Variants in SLC7A6 observed in about 807,000 individuals in gnomAD.
The protein encoded by SLC7A6 is solute carrier family 7 member 6.
SLC7A6 carries 29 observed loss-of-function variants against 46.6 expected under a neutral mutation model. The observed-to-expected ratio is 0.62, with a 90% CI of 0.46 to 0.85. SLC7A6 has a LOEUF of 0.85. Among genes scored for constraint, SLC7A6 ranks in the 40% least tolerant of loss-of-function variants. The probability of loss-of-function intolerance (pLI) is 0.00; values close to 1 mark genes in which losing one functional copy is unlikely to be tolerated. For missense variants in SLC7A6, 527 were observed against 647.6 expected, an observed-to-expected ratio of 0.81 and a Z score of 2.02; for synonymous variants, 276 against 257.3, an observed-to-expected ratio of 1.07 and a Z score of -0.70.
At position 68,300,964 on chromosome 16, in the gene SLC7A6, T is replaced by C. The variant is rs574989721; in HGVS notation, c.*3636T>C. 26 of 1,025,736 alleles carry C rather than the reference T, an allele frequency of 2.5e-5. No homozygotes were observed. In the East Asian group the frequency reaches 1.9e-3, roughly 76 times the overall value. The allele number at this position is 1,025,736 out of a possible 1,614,324, so 63.5% of individuals were successfully genotyped here. ...TCCCTTGTGGTTTCAGCACAGAACCTGAATGCCAGGAAAAATTCCTGGGCC... is the reference window on the plus strand; with the variant it reads ...TCCCTTGTGGTTTCAGCACAGAACCCGAATGCCAGGAAAAATTCCTGGGCC... On this transcript the variant is annotated 3_prime_UTR_variant, in exon 11 of 11. Transcript: ENST00000219343.
intron 5 of SLC7A6, chr16:68,290,761 C>T (rs2043033580): frequency 6.9e-6 from 4 of 579,180 alleles, no homozygotes; most frequent in African/African-American, 3.8e-5. Context: ...AGGATAGGGC[C>T]TTCCTAGAGG....
intron 3 of SLC7A6, among the ~76,000 whole-genome samples, chr16:68,276,915 A>AGCCCGGGAAGTC (rs749857937): frequency 4.7e-4 from 72 of 151,956 alleles, no homozygotes; most frequent in Non-Finnish European, 8.8e-5. Context: ...GGATCTCTTG[A>AGCCCGGGAAGTC]GCCCGGGAAG....
chr16:68,277,777 GCCA>G (rs1015438989), intron 3 of SLC7A6, among the ~76,000 whole-genome samples: 1 of 150,430 alleles, frequency 6.6e-6, no homozygotes, highest in Admixed American at 6.6e-5. Context: ...TCAGGCATGT[GCCA>G]CCACACCTGG....
At chr16:68,294,621 G>T in intron 7 of SLC7A6, 84 bp from the exon 8 acceptor site, 1 of 996,660 alleles carries the variant, frequency 1.0e-6, no homozygotes. Flanking sequence ...CGGGGGCTCT[G>T]AGCTGAGTTT....
chr16:68,269,440 A>C (rs2042587573), intron 2 of SLC7A6, among the ~76,000 whole-genome samples: 1 of 151,626 alleles, frequency 6.6e-6, no homozygotes, highest in South Asian at 2.1e-4. Flanking sequence ...GGGAGTTTGA[A>C]CTCCTAGTCA....
chr16:68,281,025 G>A (rs571897460), intron 3 of SLC7A6, among the ~76,000 whole-genome samples: 4 of 152,258 alleles, frequency 2.6e-5, no homozygotes, highest in Admixed American at 1.3e-4. Flanking sequence ...GACCCACGGC[G>A]CCCAGCCGGC....
Position 68,299,453 on chromosome 16 carries a change from G to A in SLC7A6, c.*2125G>A, listed in dbSNP as rs1284967606. 2.6e-5 allele frequency: 4 copies of A among 152,598 alleles called. No individual in the cohort carries two copies. Among genetic ancestry groups the A allele is most frequent in the African/African-American group, 9.7e-5 (4 of 41,424 alleles). The allele number at this position is 152,598 out of a possible 1,614,324, so 9.5% of individuals were successfully genotyped here. ...TGTGCTGGATACAGACTTCTCCCAG[G>A]ATCCTCTCTTTGGGAGCGAAGCCAG... On this transcript the variant is annotated 3_prime_UTR_variant, in exon 11 of 11. Coordinates refer to ENST00000219343, the MANE Select transcript of SLC7A6 (RefSeq NM_003983.6).
At position 68,299,922 on chromosome 16, in the gene SLC7A6, G is replaced by A. The variant is rs1437355859; in HGVS notation, c.*2594G>A. The A allele has an allele frequency of 6.6e-6, 1 of 152,162 alleles. No individual in the cohort carries two copies. The highest frequency in any genetic ancestry group is 2.1e-4 in the South Asian group (1 of 4,836). 9.4% of individuals were successfully genotyped at this position (152,162 alleles called of 1,614,324 possible). The stretch of plus-strand genomic sequence containing the variant: ...CTCCATGTAGATAAGAGCAAGTGTA[G>A]GCAAAGGTTTAGAAAATGGACATAA... On this transcript the variant is annotated 3_prime_UTR_variant, in exon 11 of 11. Coordinates refer to ENST00000219343, the MANE Select transcript of SLC7A6 (RefSeq NM_003983.6).
chr16:68,280,518 T>C (rs2042810513), intron 3 of SLC7A6, among the ~76,000 whole-genome samples: 1 of 152,190 alleles, frequency 6.6e-6, no homozygotes, highest in Non-Finnish European at 1.5e-5. Context: ...AAATCAAAAG[T>C]TCAGGCATCA....
intron 5 of SLC7A6, 166 bp from the exon 6 acceptor site, chr16:68,291,043 C>A: frequency 1.3e-6 from 1 of 787,846 alleles, no homozygotes; most frequent in South Asian, 1.6e-5. Flanking sequence ...AAAGTTGGGT[C>A]TTTCTCAATA....
intron 2 of SLC7A6, among the ~76,000 whole-genome samples, chr16:68,274,078 G>A (rs551551404): frequency 1.3e-5 from 2 of 152,240 alleles, no homozygotes; most frequent in East Asian, 3.9e-4. Flanking sequence ...ATTTTAATGA[G>A]GGACTTCCCC....
chr16:68,301,026 C>A lies in SLC7A6; in HGVS notation c.*3698C>A. On this transcript the variant is annotated 3_prime_UTR_variant, in exon 11 of 11. Coordinates refer to ENST00000219343, the MANE Select transcript of SLC7A6 (RefSeq NM_003983.6). ...GCTAAAGAAACCTTCCTTTTTTCAA[C>A]GTTTTTTTTTCTTTCAAACTGTAGG... 3.5e-6 allele frequency: 4 copies of A among 1,151,918 alleles called. No homozygotes were observed. The highest frequency in any genetic ancestry group is 4.3e-6 in the Non-Finnish European group (4 of 937,912). 71.4% of individuals were successfully genotyped at this position (1,151,918 alleles called of 1,614,324 possible).
At chr16:68,287,514 T>A in intron 3 of SLC7A6, 2 of 1,413,288 alleles carry the variant, frequency 1.4e-6, no homozygotes, top group African/African-American at 1.4e-5. Context: ...TAAGTATGTG[T>A]TCACGCATGC....
intron 8 of SLC7A6, among the ~76,000 whole-genome samples, chr16:68,295,246 C>G (rs1402576838): frequency 6.6e-6 from 1 of 152,150 alleles, no homozygotes; most frequent in Non-Finnish European, 1.5e-5. Context: ...TACTGACTAT[C>G]TGAAAACTAA....
At chr16:68,291,021 A>G (rs1238809909) in intron 5 of SLC7A6, 188 bp from the exon 6 acceptor site, 3 of 658,612 alleles carry the variant, frequency 4.6e-6, no homozygotes, top group South Asian at 1.8e-5. Context: ...ATCATGAGCT[A>G]TCTTCACAGA....
In SLC7A6 at chr16:68,296,351, C is replaced by T. The variant is rs577950216; in HGVS notation, c.1120-13C>T. 3.0e-5 allele frequency: 48 copies of T among 1,613,714 alleles called. No homozygotes were observed. The Middle Eastern group carries it at 1.2e-3, about 39-fold the overall frequency. On this transcript the variant is annotated splice_polypyrimidine_tract_variant and intron_variant, in intron 8 of 10. Transcript: ENST00000219343. ...TGACGATGCTCACCTGTCTCCCCAC[C>T]CCTTTCCCACAGTGCACCATGGCAC...
Position 68,275,206 on chromosome 16 carries a change from T to TC in SLC7A6, c.485dup (p.Tyr163IlefsTer51), listed in dbSNP as rs771237967. 6 of 1,606,768 alleles carry TC rather than the reference T, an allele frequency of 3.7e-6. No homozygotes were observed. The highest frequency in any genetic ancestry group is 5.1e-6 in the Non-Finnish European group (6 of 1,176,418). ...TCCAGCCGTCCTTCCCCAGCTGTGATCCCCCATACCTGGCCTGCCGTCTCC... is the reference window on the plus strand; with the variant it reads ...TCCAGCCGTCCTTCCCCAGCTGTGATCCCCCCATACCTGGCCTGCCGTCTCC... On this transcript the variant is annotated frameshift_variant, in exon 3 of 11. Transcript: ENST00000219343. LOFTEE classifies it high-confidence loss of function.
In SLC7A6 at chr16:68,296,762, G is replaced by T. The variant is rs1337697190; in HGVS notation, c.1405G>T (p.Val469Phe). The T allele has an allele frequency of 5.0e-6, 8 of 1,614,054 alleles. No homozygotes were observed. The African/African-American group carries it at 1.1e-4, about 22-fold the overall frequency. Reference sequence around the variant, plus strand: ...TGGAGTCCCTTTCTACTTCATGGGTGTTTACCTGCCAGAGTCCCGGAGGCC... The same window carrying T: ...TGGAGTCCCTTTCTACTTCATGGGTTTTTACCTGCCAGAGTCCCGGAGGCC... ...LSGVPFYFMG[V>F]YLPESRRPLF... The change falls in exon 10 of 11, where the codon GTT becomes TTT. Residue 469 changes from valine to phenylalanine, a missense_variant. Transcript: ENST00000219343.
Position 68,298,143 on chromosome 16 carries a change from A to C in SLC7A6, c.*815A>C, listed in dbSNP as rs1371454924. The C allele has an allele frequency of 1.3e-5, 2 of 152,668 alleles. No individual in the cohort carries two copies. Among genetic ancestry groups the C allele is most frequent in the African/African-American group, 4.8e-5 (2 of 41,462 alleles). 9.5% of individuals were successfully genotyped at this position (152,668 alleles called of 1,614,324 possible). A position where few individuals can be genotyped will look rare whatever the true frequency, so the allele number is the denominator to read the frequency against. On this transcript the variant is annotated 3_prime_UTR_variant, in exon 11 of 11. Transcript: ENST00000219343. ...CAGGTCCAGCAAGGACAGATGAACAAATTCCTGAGTCAGAAGTCTGTTAAT... is the reference window on the plus strand; with the variant it reads ...CAGGTCCAGCAAGGACAGATGAACACATTCCTGAGTCAGAAGTCTGTTAAT...
Sources: allele counts gnomAD v4.1 joint callset (sites outside exome capture counted in the v4.1 genomes callset), GRCh38; gene constraint gnomAD v4.1.1; transcripts MANE v1.5; gene names NCBI Gene and HGNC (gene_info 2026-07-23, HGNC 2026-07-21).